The following DNMBP variants were observed in gnomAD, a reference collection of about 807,000 sequenced individuals.
The protein encoded by DNMBP is dynamin-binding protein.
Under a neutral mutation model 150.0 loss-of-function variants are expected in DNMBP, and 87 were observed. That is an observed-to-expected ratio of 0.58 (90% confidence interval 0.49 to 0.69). The LOEUF is 0.69. Ranked by LOEUF, DNMBP falls within the 30% of genes least tolerant of loss-of-function variation. DNMBP has a pLI of 0.00. For synonymous variants in DNMBP, 711 were observed against 750.4 expected, an observed-to-expected ratio of 0.95 and a Z score of 0.86; for missense variants, 1,774 against 1,949.0, an observed-to-expected ratio of 0.91 and a Z score of 1.69.
At chr10:99,990,884 T>G (rs114906488) in intron 1 of DNMBP, among the ~76,000 whole-genome samples, 2,496 of 150,726 alleles carry the variant, frequency 0.017, 36 homozygotes, top group African/African-American at 0.037. Context: ...TTTTTCCAGG[T>G]GAAGGCAAAG....
Position 99,917,029 on chromosome 10 carries a change from C to T in DNMBP, c.2261-7883G>A, listed in dbSNP as rs568790885. Among the ~76,000 whole-genome samples, 3 of 151,906 alleles carry T rather than the reference C, an allele frequency of 2.0e-5. No homozygotes were observed. In the South Asian group the frequency reaches 6.3e-4, roughly 32 times the overall value. On this transcript the variant is annotated intron_variant, in intron 4 of 16. Coordinates refer to ENST00000324109, the MANE Select transcript of DNMBP (RefSeq NM_015221.4). ...AAAAAACCAAAAGAGCAAAAGGGCC[C>T]AGGTAAATAAACTATGGCATGCCCA... is the stretch of plus-strand genomic sequence containing the variant.
chr10:99,922,502 G>GTTTTTT (rs71189108), intron 4 of DNMBP, among the ~76,000 whole-genome samples: 5 of 78,778 alleles, frequency 6.3e-5, no homozygotes, highest in South Asian at 5.5e-4. Context: ...AGCTGCTGCT[G>GTTTTTT]TTTTTTTTTT....
At chr10:99,890,916 G>C (rs1361546308) in intron 11 of DNMBP, among the ~76,000 whole-genome samples, 2 of 152,084 alleles carry the variant, frequency 1.3e-5, no homozygotes, top group African/African-American at 4.8e-5. Flanking sequence ...CAAAGTGTTG[G>C]GATTACAGGC....
rs1016036539 is a variant in DNMBP, at chr10:99,877,089, C to T, written c.*62G>A. The T allele has an allele frequency of 4.6e-5, 63 of 1,377,064 alleles. No individual in the cohort carries two copies. The highest frequency in any genetic ancestry group is 3.6e-4 in the Admixed American group (13 of 36,560). 85.3% of individuals were successfully genotyped at this position (1,377,064 alleles called of 1,614,324 possible). ...AGGAGCAGGCGCCCTCTCGGTGGGC[C>T]GCCAGAACCCTCGGCGGACTGAAAG... On this transcript the variant is annotated 3_prime_UTR_variant, in exon 17 of 17. Transcript: ENST00000324109.
intron 3 of DNMBP, among the ~76,000 whole-genome samples, chr10:99,963,064 TC>T (rs1381762355): frequency 1.3e-5 from 2 of 152,180 alleles, no homozygotes; most frequent in Non-Finnish European, 2.9e-5. Context: ...ATTTTAAAAT[TC>T]ATTTGATTAT....
chr10:99,895,122 CTTTTTTT>C, intron 10 of DNMBP, 72 bp from the exon 11 acceptor site: 3 of 510,082 alleles, frequency 5.9e-6, no homozygotes, highest in Admixed American at 3.7e-5. Context: ...AAGTAGCTTG[CTTTTTTT>C]TTTTTTTTTT....
intron 1 of DNMBP, among the ~76,000 whole-genome samples, chr10:99,992,676 G>A (rs892757893): frequency 1.3e-5 from 2 of 151,962 alleles, no homozygotes; most frequent in South Asian, 2.1e-4. Flanking sequence ...ATAGGCGCCC[G>A]CCACTAAGCC....
chr10:99,915,079 T>A (rs2039946075), intron 4 of DNMBP, among the ~76,000 whole-genome samples: 1 of 119,096 alleles, frequency 8.4e-6, no homozygotes, highest in East Asian at 2.3e-4. Context: ...GGGCAACAAG[T>A]GTGAAACTCT....
At chr10:99,935,531 C>T (rs1211757730) in intron 4 of DNMBP, among the ~76,000 whole-genome samples, 1 of 152,130 alleles carries the variant, frequency 6.6e-6, no homozygotes, top group East Asian at 1.9e-4. Flanking sequence ...AGACTACAGG[C>T]AATAGCCACC....
chr10:99,882,373 G>A lies in DNMBP; in HGVS notation c.3997+1638C>T, dbSNP rs1051953177. The stretch of plus-strand genomic sequence containing the variant: ...GCCAAGGATTCTGAATGATATCTCT[G>A]CAAAGAAATGACAAGTTTATAGCCT... On this transcript the variant is annotated intron_variant, in intron 15 of 16. Transcript: ENST00000324109. 3.3e-5 allele frequency among the ~76,000 whole-genome samples: 5 copies of A among 152,170 alleles called. No individual in the cohort carries two copies. The South Asian group carries it at 1.0e-3, about 31-fold the overall frequency.
At chr10:99,933,996 A>G (rs181341078) in intron 4 of DNMBP, among the ~76,000 whole-genome samples, 53 of 152,272 alleles carry the variant, frequency 3.5e-4, no homozygotes, top group African/African-American at 1.1e-3. Context: ...TCGGCGTCCC[A>G]AAGTGTTGGG....
chr10:99,933,649 A>G (rs2040186257), intron 4 of DNMBP, among the ~76,000 whole-genome samples: 1 of 152,192 alleles, frequency 6.6e-6, no homozygotes, highest in East Asian at 1.9e-4. Flanking sequence ...TTGTGTCTGA[A>G]CAGCAGTCAG....
intron 15 of DNMBP, among the ~76,000 whole-genome samples, chr10:99,883,638 CAAAAAAAAAAA>C (rs71009782): frequency 0.036 from 2,379 of 65,678 alleles, 75 homozygotes; most frequent in African/African-American, 0.11. Context: ...AAGACTGCCA[CAAAAAAAAAAA>C]AAAAAAAAAA....
At chr10:99,922,533 A>G (rs1271981832) in intron 4 of DNMBP, among the ~76,000 whole-genome samples, 7 of 146,358 alleles carry the variant, frequency 4.8e-5, no homozygotes, top group Admixed American at 1.4e-4. Context: ...TTCTTAAAAA[A>G]AAAAAAAAGA....
At chr10:99,946,210 G>A (rs1380542808) in intron 4 of DNMBP, among the ~76,000 whole-genome samples, 2 of 152,140 alleles carry the variant, frequency 1.3e-5, no homozygotes, top group African/African-American at 2.4e-5. Context: ...CATCCGCCTC[G>A]GCCTCCCAGA....
rs142489432 is a variant in DNMBP at position 99,881,462 on chromosome 10, G to A, written c.3998-1101C>T. On this transcript the variant is annotated intron_variant, in intron 15 of 16. Coordinates refer to ENST00000324109, the MANE Select transcript of DNMBP (RefSeq NM_015221.4). Reference sequence around the variant, plus strand: ...AAAACTCAAGTATAAATTAGGGATTGCGTGAGCATCCACGTGACAATTTTT... The same window carrying A: ...AAAACTCAAGTATAAATTAGGGATTACGTGAGCATCCACGTGACAATTTTT... 2.0e-5 allele frequency among the ~76,000 whole-genome samples: 3 copies of A among 152,344 alleles called. No homozygotes were observed. The East Asian group carries it at 5.8e-4, about 29-fold the overall frequency.
At chr10:100,001,603 G>A in intron 1 of DNMBP, among the ~76,000 whole-genome samples, 1 of 152,018 alleles carries the variant, frequency 6.6e-6, no homozygotes, top group East Asian at 1.9e-4. Flanking sequence ...GGTAGTGATG[G>A]GGTTTGGCCA....
chr10:99,998,559 G>A (rs568540807), intron 1 of DNMBP, among the ~76,000 whole-genome samples: 1 of 128,758 alleles, frequency 7.8e-6, no homozygotes, highest in East Asian at 2.3e-4. Context: ...CAGTTTGGGT[G>A]ACAGAGTGAG....
At position 100,001,233 on chromosome 10, in the gene DNMBP, TAAAAAAAAAAAAAAAAA is replaced by T. The variant is rs71009800; in HGVS notation, c.-11+8588_-11+8604del. Among the ~76,000 whole-genome samples the T allele has an allele frequency of 1.2e-3, 27 of 21,732 alleles. 1 individual carries two copies. The highest frequency in any genetic ancestry group is 7.8e-3 in the East Asian group (16 of 2,046). 14.3% of individuals were successfully genotyped at this position (21,732 alleles called of 152,430 possible). On this transcript the variant is annotated intron_variant, in intron 1 of 16. Coordinates refer to ENST00000324109, the MANE Select transcript of DNMBP (RefSeq NM_015221.4). ...AGGACAGAGCAAGACTCCGTCTCAT[TAAAAAAAAAAAAAAAAA>T]AAAAAAAAAAAAAAAAAAAAAAGGA...
Sources: gnomAD v4.1 joint callset for allele counts (sites outside exome capture counted in the v4.1 genomes callset) on GRCh38, gnomAD v4.1.1 for gene constraint, MANE v1.5 for transcripts, NCBI Gene and HGNC (gene_info 2026-07-23, HGNC 2026-07-21) for gene names.